PRICKLE2: variants seen among roughly 807,000 people sequenced by gnomAD.
PRICKLE2 encodes the protein prickle-like protein 2.
In PRICKLE2, 21 loss-of-function variants were observed where a neutral mutation model predicts 81.4. That is an observed-to-expected ratio of 0.26 (90% CI 0.18 to 0.37). PRICKLE2 has a LOEUF of 0.37. PRICKLE2 is among the 10% of genes least tolerant of loss of function. PRICKLE2 has a pLI of 1.00. For synonymous variants in PRICKLE2, 456 were observed against 421.5 expected, an observed-to-expected ratio of 1.08 and a Z score of -1.00; for missense variants, 940 against 1,109.0, an observed-to-expected ratio of 0.85 and a Z score of 2.16.
At chr3:64,119,603 T>C (rs11130958) in intron 7 of PRICKLE2, among the ~76,000 whole-genome samples, 36,607 of 152,158 alleles carry the variant, frequency 0.24, 5,227 homozygotes, top group Non-Finnish European at 0.33. Flanking sequence ...TTATGTACGA[T>C]TGGTGCAAAT....
chr3:64,147,607 G>C lies in PRICKLE2; in HGVS notation c.883C>G (p.Arg295Gly). 1 of 1,614,166 alleles carries C rather than the reference G, an allele frequency of 6.2e-7. No individual in the cohort carries two copies. The highest frequency in any genetic ancestry group is 8.5e-7 in the Non-Finnish European group (1 of 1,180,030). Residue 295 changes from arginine (R) to glycine (G), a missense_variant, in exon 7 of 8, where the codon CGG becomes GGG. Around this residue, in one of 2 missense-constraint regions of PRICKLE2, gnomAD observed 270 missense variants for 391.8 expected, o/e 0.69. Coordinates refer to ENST00000638394, the MANE Select transcript of PRICKLE2 (RefSeq NM_198859.4). The surrounding 1 kb of genome is among the most constrained non-coding windows in gnomAD (Gnocchi z 5.0). The stretch of plus-strand genomic sequence containing the variant: ...TGGCCCTGCTTCGGGAGGAATGGCC[G>C]CCCCAGGAGGGATTTCTTGCAGTGA... Reference protein sequence around the residue: ...CAHCKKSLLGRPFLPKQGQIF... With the variant: ...CAHCKKSLLGGPFLPKQGQIF...
intron 1 of PRICKLE2, among the ~76,000 whole-genome samples, chr3:64,218,977 C>T (rs938570522): frequency 1.3e-5 from 2 of 152,118 alleles, no homozygotes; most frequent in South Asian, 2.1e-4. Flanking sequence ...TGAAAGTGAA[C>T]GAGCAACACC....
At chr3:64,119,926 G>A (rs1021789165) in intron 7 of PRICKLE2, among the ~76,000 whole-genome samples, 1 of 152,202 alleles carries the variant, frequency 6.6e-6, no homozygotes, top group African/African-American at 2.4e-5. Flanking sequence ...TACAGCTGGA[G>A]GCCATTTTCC....
intron 2 of PRICKLE2, among the ~76,000 whole-genome samples, chr3:64,262,257 C>T (rs535427280): frequency 6.6e-6 from 1 of 152,164 alleles, no homozygotes; most frequent in African/African-American, 2.4e-5. Context: ...GACTTATTCC[C>T]ATTGGATAGG....
At chr3:64,210,525 C>T (rs1178820408) in intron 1 of PRICKLE2, among the ~76,000 whole-genome samples, 1 of 152,202 alleles carries the variant, frequency 6.6e-6, no homozygotes, top group Non-Finnish European at 1.5e-5. Context: ...AACTCCCTCC[C>T]TTCCGGCTGG....
intron 1 of PRICKLE2, among the ~76,000 whole-genome samples, chr3:64,209,166 T>C (rs1030946250): frequency 1.3e-5 from 2 of 151,952 alleles, no homozygotes; most frequent in Non-Finnish European, 2.9e-5. Flanking sequence ...TCCACCCATC[T>C]ATCGATCCAT....
rs750411386 is a variant in PRICKLE2, at chr3:64,153,162, AC to A, written c.787+19del. 6.2e-7 allele frequency: 1 copy of A among 1,613,128 alleles called. No individual in the cohort carries two copies. Among genetic ancestry groups the A allele is most frequent in the Non-Finnish European group, 8.5e-7 (1 of 1,179,102 alleles). ...ACCGCATCACAGAAGGACCAAGCTG[AC>A]TGCCAAATATTGCCTCACCTATATG... On this transcript the variant is annotated intron_variant, in intron 6 of 7. Transcript: ENST00000638394.
chr3:64,190,410 T>C (rs906422945), intron 2 of PRICKLE2: 6 of 144,938 alleles, frequency 4.1e-5, no homozygotes. Flanking sequence ...TTAAAAAAAA[T>C]CACAACCTGA....
chr3:64,112,704 A>C (rs1559514962), intron 7 of PRICKLE2, among the ~76,000 whole-genome samples: 1 of 152,230 alleles, frequency 6.6e-6, no homozygotes, highest in African/African-American at 2.4e-5. Flanking sequence ...AAAATAAACT[A>C]CCAACAGAGT....
At chr3:64,248,003 A>G (rs972978565) in intron 2 of PRICKLE2, among the ~76,000 whole-genome samples, 6 of 152,204 alleles carry the variant, frequency 3.9e-5, no homozygotes, top group African/African-American at 1.2e-4. Context: ...GGGCACCTCA[A>G]TCCACAAAAC....
At chr3:64,247,954 C>A (rs886463128) in intron 2 of PRICKLE2, among the ~76,000 whole-genome samples, 1 of 152,140 alleles carries the variant, frequency 6.6e-6, no homozygotes, top group Non-Finnish European at 1.5e-5. Context: ...GCCATTTATT[C>A]TTTAGAAGGG....
In PRICKLE2 at chr3:64,164,786, C is replaced by T. The variant is rs188691409; in HGVS notation, c.145-1657G>A. On this transcript the variant is annotated intron_variant, in intron 2 of 7. Transcript: ENST00000638394. Reference sequence around the variant, plus strand: ...GAATGATGCCGGGTTCTGAAGAGAGCCCACTGTTGACCAGTACTCTGAGAA... The same window carrying T: ...GAATGATGCCGGGTTCTGAAGAGAGTCCACTGTTGACCAGTACTCTGAGAA... Among the ~76,000 whole-genome samples, 206 of 152,232 alleles carry T rather than the reference C, an allele frequency of 1.4e-3. 1 individual carries two copies. The highest frequency in any genetic ancestry group is 4.8e-3 in the African/African-American group (201 of 41,540).
chr3:64,216,453 C>G (rs561578072), intron 1 of PRICKLE2, among the ~76,000 whole-genome samples: 2 of 152,228 alleles, frequency 1.3e-5, no homozygotes, highest in African/African-American at 4.8e-5. Context: ...AAACTACCCA[C>G]AGGGCCAAAG....
intron 2 of PRICKLE2, among the ~76,000 whole-genome samples, chr3:64,258,856 A>AGAAAGAAAGAAAGAAG (rs2079571622): frequency 7.2e-6 from 1 of 137,938 alleles, no homozygotes; most frequent in Non-Finnish European, 1.6e-5. Flanking sequence ...AAAGAAAGAA[A>AGAAAGAAAGAAAGAAG]GAAAGAAAGA....
chr3:64,264,189 G>A (rs2079660793), intron 2 of PRICKLE2, among the ~76,000 whole-genome samples: 1 of 152,074 alleles, frequency 6.6e-6, no homozygotes, highest in African/African-American at 2.4e-5. Context: ...TGGCCACTTG[G>A]TAGCCTTGTG....
intron 7 of PRICKLE2, among the ~76,000 whole-genome samples, chr3:64,104,058 T>C (rs982103949): frequency 6.6e-6 from 1 of 152,236 alleles, no homozygotes; most frequent in Non-Finnish European, 1.5e-5. Flanking sequence ...GATATGCCTA[T>C]AAAGAAATTA....
chr3:64,120,011 A>G (rs2077000334), intron 7 of PRICKLE2, among the ~76,000 whole-genome samples: 1 of 152,190 alleles, frequency 6.6e-6, no homozygotes, highest in South Asian at 2.1e-4. Flanking sequence ...AACACTGGGT[A>G]CTCAACGGAT....
intron 7 of PRICKLE2, among the ~76,000 whole-genome samples, chr3:64,110,890 A>G (rs1351927171): frequency 7.2e-6 from 1 of 138,434 alleles, no homozygotes; most frequent in African/African-American, 2.7e-5. Flanking sequence ...TGAATCCAGG[A>G]GGCGGAGCTT....
chr3:64,209,052 C>A (rs1437476703), intron 1 of PRICKLE2, among the ~76,000 whole-genome samples: 1 of 151,960 alleles, frequency 6.6e-6, no homozygotes, highest in Admixed American at 6.6e-5. Flanking sequence ...CATCCATCCA[C>A]CTGTCTATCC....
Sources: gnomAD v4.1 joint callset for allele counts (sites outside exome capture counted in the v4.1 genomes callset) on GRCh38, gnomAD v4.1.1 for gene constraint, gnomAD v4.1.1 regional missense constraint, Gnocchi (gnomAD v3.1) non-coding constraint, MANE v1.5 for transcripts, NCBI Gene and HGNC (gene_info 2026-07-23, HGNC 2026-07-21) for gene names.